The following TAF13 variants were observed in gnomAD, a reference collection of about 807,000 sequenced individuals.
TAF13 encodes the protein TATA-box binding protein associated factor 13.
In TAF13, 9 loss-of-function variants were observed where a neutral mutation model predicts 18.7. The ratio of observed to expected loss-of-function variants is 0.48; its 90% CI spans 0.29 to 0.84. The LOEUF (loss-of-function observed/expected upper bound fraction) is 0.84. TAF13 is among the 40% of genes least tolerant of loss of function. The pLI is 0.08. For missense variants in TAF13, 105 were observed against 146.5 expected, an observed-to-expected ratio of 0.72 and a Z score of 1.46; for synonymous variants, 49 against 44.1, an observed-to-expected ratio of 1.11 and a Z score of -0.44.
rs928621823 is a variant in TAF13 at position 109,074,481 on chromosome 1, T to C, written c.106+506A>G. On this transcript the variant is annotated intron_variant, in intron 2 of 3. Transcript: ENST00000338366. ...CTCTGCCTAGGAAAACCAGAGACCC[T>C]TGTTCACATGTTTATCTGCTGACCT... Among the ~76,000 whole-genome samples, 3 of 152,156 alleles carry C rather than the reference T, an allele frequency of 2.0e-5. No individual in the cohort carries two copies. The East Asian group carries it at 5.8e-4, about 29-fold the overall frequency.
At chr1:109,070,825 C>T (rs1161537507) in intron 2 of TAF13, among the ~76,000 whole-genome samples, 1 of 152,178 alleles carries the variant, frequency 6.6e-6, no homozygotes, top group South Asian at 2.1e-4. Flanking sequence ...CTCAGTGGAA[C>T]AAAGGTCTTT....
intron 3 of TAF13, 121 bp downstream of exon 3, chr1:109,066,014 A>G: frequency 1.3e-6 from 1 of 756,274 alleles, no homozygotes; most frequent in Non-Finnish European, 2.2e-6. Context: ...TAACTTCTGC[A>G]AACAAGCACT....
At chr1:109,074,851 G>C (rs1173400225) in intron 2 of TAF13, 136 bp downstream of exon 2, 2 of 670,730 alleles carry the variant, frequency 3.0e-6, no homozygotes, top group Non-Finnish European at 5.0e-6. Flanking sequence ...TGATTCAAAA[G>C]TTAAACAGAA....
intron 2 of TAF13, among the ~76,000 whole-genome samples, chr1:109,071,975 T>TATATATATATATATATATATATATAC: frequency 4.1e-5 from 1 of 24,566 alleles, no homozygotes; most frequent in African/African-American, 1.7e-4. Context: ...TATATATATA[T>TATATATATATATATATATATATATAC]ACACACATAT....
chr1:109,064,991 T>C (rs1168599998), intron 3 of TAF13, among the ~76,000 whole-genome samples: 1 of 152,176 alleles, frequency 6.6e-6, no homozygotes, highest in Admixed American at 6.5e-5. Flanking sequence ...TTCATTTATA[T>C]AAAATAATTT....
At position 109,064,471 on chromosome 1, in the gene TAF13, A is replaced by G; in HGVS notation, c.*52T>C. 1.5e-6 allele frequency: 2 copies of G among 1,311,490 alleles called. No homozygotes were observed. The allele number at this position is 1,311,490 out of a possible 1,614,324, so 81.2% of individuals were successfully genotyped here. ...AGAATCTTACTTTAGAAAATATACA[A>G]TTATTATATATGGTTTCCCCAGATG... On this transcript the variant is annotated 3_prime_UTR_variant, in exon 4 of 4. Coordinates refer to ENST00000338366, the MANE Select transcript of TAF13 (RefSeq NM_005645.4).
chr1:109,072,045 CACACACA>C (rs1664077575), intron 2 of TAF13, among the ~76,000 whole-genome samples: 1 of 4,462 alleles, frequency 2.2e-4, no homozygotes, highest in African/African-American at 8.4e-4. Flanking sequence ...TATATATATA[CACACACA>C]TATATATATA....
chr1:109,072,487 A>C (rs1209714727), intron 2 of TAF13, among the ~76,000 whole-genome samples: 2 of 151,972 alleles, frequency 1.3e-5, no homozygotes, highest in African/African-American at 4.8e-5. Context: ...TTTCGTCACC[A>C]AGGCTGGAGT....
chr1:109,074,803 TAC>T (rs985540348), intron 2 of TAF13, among the ~76,000 whole-genome samples, 182 bp downstream of exon 2: 2 of 151,076 alleles, frequency 1.3e-5, no homozygotes, highest in South Asian at 2.1e-4. Context: ...AAGCAATTTA[TAC>T]ACACACACAC....
intron 3 of TAF13, 152 bp from the exon 4 acceptor site, chr1:109,064,845 C>A: frequency 1.6e-6 from 1 of 638,650 alleles, no homozygotes; most frequent in Admixed American, 4.1e-5. Context: ...TACTCATGTC[C>A]TTTGTCTATT....
intron 3 of TAF13, 114 bp from the exon 4 acceptor site, chr1:109,064,807 A>G: frequency 1.2e-6 from 1 of 831,750 alleles, no homozygotes; most frequent in Non-Finnish European, 1.7e-6. Context: ...TATTATTATT[A>G]TGGCTATTCA....
At chr1:109,075,518 T>G (rs1407014984) in intron 1 of TAF13, among the ~76,000 whole-genome samples, 1 of 152,158 alleles carries the variant, frequency 6.6e-6, no homozygotes, top group Non-Finnish European at 1.5e-5. Flanking sequence ...ATGTTCAAAG[T>G]TAAATAACTT....
intron 1 of TAF13, 42 bp from the exon 2 acceptor site, chr1:109,075,107 C>T (rs1317379188): frequency 2.0e-6 from 3 of 1,483,732 alleles, no homozygotes; most frequent in Admixed American, 2.1e-5. Context: ...AAATAATTGC[C>T]TTGCATTTGA....
At chr1:109,073,551 G>A (rs1459412124) in intron 2 of TAF13, among the ~76,000 whole-genome samples, 1 of 152,142 alleles carries the variant, frequency 6.6e-6, no homozygotes, top group Admixed American at 6.6e-5. Context: ...ATTTTTTGGT[G>A]GAGACGGGGT....
intron 2 of TAF13, among the ~76,000 whole-genome samples, chr1:109,069,396 T>C (rs1408397160): frequency 2.6e-5 from 4 of 152,230 alleles, no homozygotes; most frequent in African/African-American, 9.6e-5. Context: ...TTACAATACC[T>C]AATACAATGT....
rs555089972 is a variant in TAF13 at position 109,075,980 on chromosome 1, G to A, written c.-33C>T. ...GCACGCCAACTCACAGCGTCCTGCC[G>A]GCTGGCTCCCAGCTGGTTACACTAC... On this transcript the variant is annotated 5_prime_UTR_variant, in exon 1 of 4. Coordinates refer to ENST00000338366, the MANE Select transcript of TAF13 (RefSeq NM_005645.4). The A allele has an allele frequency of 2.5e-6, 4 of 1,614,160 alleles. No individual in the cohort carries two copies. Among genetic ancestry groups the A allele is most frequent in the African/African-American group, 2.7e-5 (2 of 75,072 alleles).
At chr1:109,073,884 C>T (rs946593391) in intron 2 of TAF13, among the ~76,000 whole-genome samples, 16 of 152,026 alleles carry the variant, frequency 1.1e-4, no homozygotes, top group Admixed American at 6.6e-4. Context: ...ATGTGAGGAG[C>T]GCCTCTGCTC....
chr1:109,074,019 G>A (rs1022397131), intron 2 of TAF13, among the ~76,000 whole-genome samples: 8 of 152,108 alleles, frequency 5.3e-5, no homozygotes, highest in Middle Eastern at 3.4e-3. Flanking sequence ...CCGCCAGGCC[G>A]CCCGCATCTG....
intron 2 of TAF13, among the ~76,000 whole-genome samples, chr1:109,073,980 C>T (rs900510118): frequency 5.3e-5 from 8 of 152,078 alleles, no homozygotes; most frequent in South Asian, 2.1e-4. Context: ...TGCCCGGCCA[C>T]GACCCCGTCT....
Sources: allele counts gnomAD v4.1 joint callset (sites outside exome capture counted in the v4.1 genomes callset), GRCh38; gene constraint gnomAD v4.1.1; transcripts MANE v1.5; gene names NCBI Gene and HGNC (gene_info 2026-07-23, HGNC 2026-07-21).